Variants in LRRC4C observed in about 807,000 individuals in gnomAD.
LRRC4C encodes the protein leucine rich repeat containing 4C, also known as leucine-rich repeat-containing protein 4C.
In LRRC4C, 5 loss-of-function variants were observed where a neutral mutation model predicts 33.6. The observed-to-expected ratio is 0.15, with a 90% CI of 0.08 to 0.31. LRRC4C has a LOEUF of 0.31. Ranked by LOEUF, LRRC4C falls within the 10% of genes least tolerant of loss-of-function variation. The pLI is 1.00. For missense variants in LRRC4C, 560 were observed against 796.7 expected (o/e 0.70, Z 3.58); for synonymous variants, 329 against 302.0 (o/e 1.09, Z -0.93).
At chr11:41,072,354 A>T (rs1379571396) in intron 1 of LRRC4C, among the ~76,000 whole-genome samples, 1 of 134,930 alleles carries the variant, frequency 7.4e-6, no homozygotes, top group Non-Finnish European at 1.6e-5. Context: ...TTTTAGTAAT[A>T]AAGTATTTTA....
intron 3 of LRRC4C, among the ~76,000 whole-genome samples, chr11:40,384,596 A>G (rs1949031823): frequency 6.6e-6 from 1 of 152,206 alleles, no homozygotes; most frequent in African/African-American, 2.4e-5. Flanking sequence ...ACCATCTGAC[A>G]AGAATACCAG....
intron 1 of LRRC4C, among the ~76,000 whole-genome samples, chr11:41,440,266 G>T (rs1175887700): frequency 6.6e-6 from 1 of 152,024 alleles, no homozygotes; most frequent in Non-Finnish European, 1.5e-5. Context: ...TGGAAAAAAG[G>T]AGTTTGTCTG....
chr11:40,420,461 C>T (rs1950483492), intron 3 of LRRC4C, among the ~76,000 whole-genome samples: 1 of 152,170 alleles, frequency 6.6e-6, no homozygotes, highest in Non-Finnish European at 1.5e-5. Flanking sequence ...AGACTTACAT[C>T]CTTGTCTTAT....
chr11:41,152,842 C>G (rs1345020644), intron 1 of LRRC4C, among the ~76,000 whole-genome samples: 1 of 152,152 alleles, frequency 6.6e-6, no homozygotes, highest in African/African-American at 2.4e-5. Context: ...GAAGGTTGGT[C>G]TCCTTTCTGG....
chr11:40,488,395 C>T (rs1470566666), intron 3 of LRRC4C, among the ~76,000 whole-genome samples: 4 of 152,042 alleles, frequency 2.6e-5, no homozygotes, highest in African/African-American at 9.7e-5. Context: ...TTGACCCTTA[C>T]TCAGGTCACG....
At chr11:40,922,864 T>C (rs1030338066) in intron 2 of LRRC4C, among the ~76,000 whole-genome samples, 2 of 152,182 alleles carry the variant, frequency 1.3e-5, no homozygotes, top group African/African-American at 4.8e-5. Flanking sequence ...CTCATTCTGT[T>C]GTATAGGCTG....
chr11:40,893,424 G>A (rs1359401153), intron 2 of LRRC4C, among the ~76,000 whole-genome samples: 2 of 151,968 alleles, frequency 1.3e-5, no homozygotes, highest in African/African-American at 4.8e-5. Flanking sequence ...TTGAGGTGAT[G>A]AATACCCTGT....
intron 3 of LRRC4C, among the ~76,000 whole-genome samples, chr11:40,497,952 T>C (rs1453662306): frequency 6.6e-6 from 1 of 152,208 alleles, no homozygotes; most frequent in Non-Finnish European, 1.5e-5. Flanking sequence ...ACTTTTCATT[T>C]TATGGTATAA....
intron 1 of LRRC4C, among the ~76,000 whole-genome samples, chr11:41,277,443 T>C (rs1200469746): frequency 6.6e-6 from 1 of 152,208 alleles, no homozygotes; most frequent in East Asian, 1.9e-4. Context: ...CTAGAAATAA[T>C]GAACTATTGG....
chr11:40,637,894 T>C (rs61020871), intron 3 of LRRC4C, among the ~76,000 whole-genome samples: 1,583 of 152,302 alleles, frequency 0.01, 33 homozygotes, highest in African/African-American at 0.037. Context: ...CTTCACTCCT[T>C]AATTCTAGGA....
chr11:41,297,642 A>G (rs1285240163), intron 1 of LRRC4C, among the ~76,000 whole-genome samples: 1 of 152,160 alleles, frequency 6.6e-6, no homozygotes, highest in Non-Finnish European at 1.5e-5. Flanking sequence ...ATTTCTACTA[A>G]CGATAAATGG....
chr11:40,889,812 G>A (rs76426952), intron 2 of LRRC4C, among the ~76,000 whole-genome samples: 2 of 151,944 alleles, frequency 1.3e-5, no homozygotes, highest in Non-Finnish European at 2.9e-5. Flanking sequence ...CAGAAAACTC[G>A]CTTGGTTGCA....
At chr11:40,611,110 C>T (rs1001013350) in intron 3 of LRRC4C, among the ~76,000 whole-genome samples, 3 of 151,830 alleles carry the variant, frequency 2.0e-5, no homozygotes, top group Admixed American at 6.6e-5. Flanking sequence ...CCTCACACTT[C>T]CTGACTTCAA....
intron 1 of LRRC4C, among the ~76,000 whole-genome samples, chr11:41,171,706 G>T (rs1482475769): frequency 6.6e-6 from 1 of 151,814 alleles, no homozygotes; most frequent in Non-Finnish European, 1.5e-5. Flanking sequence ...ATTTTTATTT[G>T]CATGACTTGC....
At chr11:41,087,626 T>G (rs1052733578) in intron 1 of LRRC4C, among the ~76,000 whole-genome samples, 5 of 152,116 alleles carry the variant, frequency 3.3e-5, no homozygotes, top group Non-Finnish European at 5.9e-5. Flanking sequence ...ACTACTCCCA[T>G]TAATTATGTT....
chr11:40,369,438 C>T (rs1948354700), intron 3 of LRRC4C, among the ~76,000 whole-genome samples: 1 of 152,096 alleles, frequency 6.6e-6, no homozygotes, highest in African/African-American at 2.4e-5. Flanking sequence ...CTCTGCCTCC[C>T]GGGTTCAAGC....
intron 1 of LRRC4C, among the ~76,000 whole-genome samples, chr11:41,316,990 CT>C (rs1292196104): frequency 6.6e-6 from 1 of 152,210 alleles, no homozygotes; most frequent in African/African-American, 2.4e-5. Context: ...GACACTCGAA[CT>C]CATTAACTTC....
chr11:41,049,940 T>A (rs1858082045), intron 1 of LRRC4C, among the ~76,000 whole-genome samples: 1 of 152,290 alleles, frequency 6.6e-6, no homozygotes, highest in Non-Finnish European at 1.5e-5. Context: ...GTGTAATGAA[T>A]AAAACAGAAT....
intron 5 of LRRC4C, among the ~76,000 whole-genome samples, chr11:40,147,444 C>T (rs1253956194): frequency 6.6e-6 from 1 of 152,100 alleles, no homozygotes; most frequent in African/African-American, 2.4e-5. Flanking sequence ...GCTTGCTGCT[C>T]AAATTTCTAG....
Sources: allele counts gnomAD v4.1 joint callset (sites outside exome capture counted in the v4.1 genomes callset), GRCh38; gene constraint gnomAD v4.1.1; transcripts MANE v1.5; gene names NCBI Gene and HGNC (gene_info 2026-07-23, HGNC 2026-07-21).